The following STXBP6 variants were observed in gnomAD, a reference collection of about 807,000 sequenced individuals.
The protein encoded by STXBP6 is syntaxin binding protein 6, also known as syntaxin-binding protein 6.
In STXBP6, 21 loss-of-function variants were observed where a neutral mutation model predicts 26.9. The observed-to-expected ratio is 0.78, with a 90% CI of 0.55 to 1.12. The LOEUF (loss-of-function observed/expected upper bound fraction) is 1.12, where lower values mean the gene tolerates loss of function less well. Among genes scored for constraint, STXBP6 ranks in the 50% most tolerant of loss-of-function variants. The probability of loss-of-function intolerance (pLI) is 0.00; values close to 1 mark genes in which losing one functional copy is unlikely to be tolerated. For missense variants in STXBP6, 232 were observed against 257.9 expected (o/e 0.90, Z 0.69); for synonymous variants, 97 against 92.6 (o/e 1.05, Z -0.27).
intron 1 of STXBP6, among the ~76,000 whole-genome samples, chr14:25,048,531 G>A (rs1330326116): frequency 1.3e-5 from 2 of 152,208 alleles, no homozygotes; most frequent in Non-Finnish European, 2.9e-5. Flanking sequence ...AGAAAAACAG[G>A]CAGCAGAATG....
chr14:24,835,460 A>G (rs1373308625), intron 4 of STXBP6, among the ~76,000 whole-genome samples: 2 of 152,224 alleles, frequency 1.3e-5, no homozygotes, highest in African/African-American at 4.8e-5. Flanking sequence ...AAATCAAGTC[A>G]ATGACATTGT....
At chr14:25,028,006 G>T (rs1296283931) in intron 1 of STXBP6, among the ~76,000 whole-genome samples, 1 of 152,206 alleles carries the variant, frequency 6.6e-6, no homozygotes, top group Non-Finnish European at 1.5e-5. Context: ...AAGAAAAAAA[G>T]CTGGAAGCTA....
At chr14:25,001,563 ATCT>A in intron 1 of STXBP6, among the ~76,000 whole-genome samples, 1 of 152,072 alleles carries the variant, frequency 6.6e-6, no homozygotes, top group Admixed American at 6.6e-5. Context: ...TATTTCTAAC[ATCT>A]TCTTTTGATT....
At chr14:24,870,928 A>G (rs1035505543) in intron 2 of STXBP6, among the ~76,000 whole-genome samples, 1 of 152,220 alleles carries the variant, frequency 6.6e-6, no homozygotes, top group African/African-American at 2.4e-5. Flanking sequence ...CTATTTGAGT[A>G]TGCCAGCATT....
chr14:25,018,697 C>T (rs566752808), intron 1 of STXBP6, among the ~76,000 whole-genome samples: 89 of 152,222 alleles, frequency 5.8e-4, no homozygotes, highest in Non-Finnish European at 9.8e-4. Context: ...TAGGGACAGT[C>T]ACCAACCTCT....
chr14:25,034,105 G>A (rs1216940710), intron 1 of STXBP6, among the ~76,000 whole-genome samples: 1 of 152,176 alleles, frequency 6.6e-6, no homozygotes. Flanking sequence ...AAGAAGTAGG[G>A]TGCTGCATAG....
At chr14:24,953,666 T>C (rs2073244330) in intron 2 of STXBP6, among the ~76,000 whole-genome samples, 2 of 152,250 alleles carry the variant, frequency 1.3e-5, no homozygotes, top group African/African-American at 4.8e-5. Context: ...AGCTGATTAA[T>C]TTCTCTCTCT....
intron 2 of STXBP6, among the ~76,000 whole-genome samples, chr14:24,875,131 C>T (rs1049557052): frequency 3.3e-5 from 5 of 152,070 alleles, no homozygotes; most frequent in African/African-American, 4.8e-5. Flanking sequence ...AGCCCTGGAC[C>T]GGGAGTCAGG....
intron 2 of STXBP6, among the ~76,000 whole-genome samples, chr14:24,886,972 A>G (rs2070612736): frequency 6.6e-6 from 1 of 152,190 alleles, no homozygotes; most frequent in African/African-American, 2.4e-5. Context: ...AATCCCTTGC[A>G]TTGAGTTTCT....
chr14:24,882,701 A>G (rs2070418335), intron 2 of STXBP6, among the ~76,000 whole-genome samples: 1 of 152,334 alleles, frequency 6.6e-6, no homozygotes, highest in African/African-American at 2.4e-5. Flanking sequence ...GAATACATTC[A>G]TAAATAAATT....
Position 24,974,476 on chromosome 14 carries a change from C to T in STXBP6, c.154+189G>A, listed in dbSNP as rs559731258. ...ATACACCCGAATTGAACTTCACTACCTTTCCAATACGCGGCAACCTCAAAA... is the reference window on the plus strand; with the variant it reads ...ATACACCCGAATTGAACTTCACTACTTTTCCAATACGCGGCAACCTCAAAA... On this transcript the variant is annotated intron_variant, in intron 2 of 5. Coordinates refer to ENST00000323944, the MANE Select transcript of STXBP6 (RefSeq NM_001394410.1). 4.3e-4 allele frequency among the ~76,000 whole-genome samples: 65 copies of T among 152,288 alleles called. 1 individual carries two copies. The highest frequency in any genetic ancestry group is 2.9e-3 in the Admixed American group (45 of 15,300).
At chr14:24,928,953 T>TA (rs34305864) in intron 2 of STXBP6, among the ~76,000 whole-genome samples, 19 of 149,652 alleles carry the variant, frequency 1.3e-4, no homozygotes, top group East Asian at 3.9e-4. Flanking sequence ...GGCACTAGAT[T>TA]AAAAAAAAAA....
chr14:25,005,862 T>C (rs2074883757), intron 1 of STXBP6, among the ~76,000 whole-genome samples: 1 of 151,594 alleles, frequency 6.6e-6, no homozygotes, highest in African/African-American at 2.4e-5. Context: ...AAAATGTATA[T>C]TACAGGGAAA....
intron 2 of STXBP6, among the ~76,000 whole-genome samples, chr14:24,959,378 G>T (rs1329591958): frequency 6.6e-6 from 1 of 152,144 alleles, no homozygotes; most frequent in Non-Finnish European, 1.5e-5. Flanking sequence ...AGTTGGACAG[G>T]TCACCTGAGT....
intron 1 of STXBP6, among the ~76,000 whole-genome samples, chr14:25,003,656 C>A (rs1052436375): frequency 3.3e-5 from 5 of 152,020 alleles, no homozygotes; most frequent in Admixed American, 2.6e-4. Context: ...TACCATCCAC[C>A]AGACATGCCC....
Position 24,823,810 on chromosome 14 carries a change from T to C in STXBP6, c.452-4616A>G, listed in dbSNP as rs1370925437. Among the ~76,000 whole-genome samples the C allele has an allele frequency of 2.0e-5, 3 of 152,142 alleles. No individual in the cohort carries two copies. The East Asian group carries it at 5.8e-4, about 29-fold the overall frequency. Reference sequence around the variant, plus strand: ...AACCAATTTGAATTTTGGGAAAATATAAATGTGTAAAATAGATATGGGTTC... The same window carrying C: ...AACCAATTTGAATTTTGGGAAAATACAAATGTGTAAAATAGATATGGGTTC... On this transcript the variant is annotated intron_variant, in intron 4 of 5. Transcript: ENST00000323944.
At chr14:24,868,013 A>G (rs1272611877) in intron 2 of STXBP6, among the ~76,000 whole-genome samples, 1 of 152,058 alleles carries the variant, frequency 6.6e-6, no homozygotes, top group African/African-American at 2.4e-5. Flanking sequence ...CCTGGGCAAC[A>G]TGGTGAAACC....
intron 2 of STXBP6, among the ~76,000 whole-genome samples, chr14:24,969,626 AG>A (rs1361763156): frequency 3.9e-5 from 6 of 152,344 alleles, no homozygotes; most frequent in Non-Finnish European, 8.8e-5. Context: ...TTTTCCATTA[AG>A]CATCTATTGT....
Position 24,881,004 on chromosome 14 carries a change from G to A in STXBP6, c.155-23847C>T, listed in dbSNP as rs566921854. ...TTTTCAGATACTATCCTACTGTTTT[G>A]AAAGCATTATTCTCACACACTTTTC... On this transcript the variant is annotated intron_variant, in intron 2 of 5. Transcript: ENST00000323944. Among the ~76,000 whole-genome samples the A allele has an allele frequency of 7.2e-4, 110 of 152,276 alleles. 1 individual carries two copies. Among genetic ancestry groups the A allele is most frequent in the African/African-American group, 2.6e-3 (106 of 41,544 alleles).
Sources: allele counts gnomAD v4.1 joint callset (sites outside exome capture counted in the v4.1 genomes callset), GRCh38; gene constraint gnomAD v4.1.1; transcripts MANE v1.5; gene names NCBI Gene and HGNC (gene_info 2026-07-23, HGNC 2026-07-21).